The following PDGFC variants were observed in gnomAD, a reference collection of about 807,000 sequenced individuals.
PDGFC encodes the protein platelet derived growth factor C, also known as platelet-derived growth factor C.
A neutral mutation model predicts 35.5 loss-of-function variants in PDGFC; 12 were observed. That is an observed-to-expected ratio of 0.34 (90% confidence interval 0.22 to 0.55). The LOEUF is 0.55. Among genes scored for constraint, PDGFC ranks in the 20% least tolerant of loss-of-function variants. The probability of loss-of-function intolerance (pLI) is 0.91; values close to 1 mark genes in which losing one functional copy is unlikely to be tolerated. For missense variants in PDGFC, 322 were observed against 412.4 expected (o/e 0.78, Z 1.90); for synonymous variants, 159 against 148.8 (o/e 1.07, Z -0.50).
intron 2 of PDGFC, among the ~76,000 whole-genome samples, chr4:156,845,535 A>G (rs1034183844): frequency 4.0e-5 from 6 of 151,734 alleles, no homozygotes; most frequent in Non-Finnish European, 8.9e-5. Context: ...CCTTTGAACT[A>G]TTTTACAACT....
At chr4:156,874,397 C>T (rs1230297431) in intron 1 of PDGFC, among the ~76,000 whole-genome samples, 1 of 152,080 alleles carries the variant, frequency 6.6e-6, no homozygotes, top group African/African-American at 2.4e-5. Flanking sequence ...TTGAGCACTC[C>T]AACTTAAGCC....
At chr4:156,842,587 C>A (rs1032792450) in intron 2 of PDGFC, among the ~76,000 whole-genome samples, 1 of 152,040 alleles carries the variant, frequency 6.6e-6, no homozygotes, top group African/African-American at 2.4e-5. Context: ...GCAACAAAAC[C>A]ATTTCTTCTG....
At chr4:156,928,942 C>T (rs1731484054) in intron 1 of PDGFC, among the ~76,000 whole-genome samples, 1 of 152,012 alleles carries the variant, frequency 6.6e-6, no homozygotes, top group South Asian at 2.1e-4. Flanking sequence ...TACATGGGAG[C>T]TAAGCAAAAT....
At chr4:156,859,178 A>T (rs1166293763) in intron 1 of PDGFC, among the ~76,000 whole-genome samples, 2 of 152,212 alleles carry the variant, frequency 1.3e-5, no homozygotes, top group East Asian at 3.9e-4. Context: ...ATTTTAAAAA[A>T]TAAGAAAATA....
At position 156,761,577 on chromosome 4, in the gene PDGFC, A is replaced by G. The variant is rs1387795503; in HGVS notation, c.*1513T>C. ...AAAATTTTATCTTTCATTTTCTCAG[A>G]GTCCAAGAAATAAATCTTGAGCACA... On this transcript the variant is annotated 3_prime_UTR_variant, in exon 6 of 6. Transcript: ENST00000502773. 1 of 152,514 alleles carries G rather than the reference A, an allele frequency of 6.6e-6. No homozygotes were observed. Among genetic ancestry groups the G allele is most frequent in the Non-Finnish European group, 1.5e-5 (1 of 68,044 alleles). The allele number at this position is 152,514 out of a possible 1,614,324, so 9.4% of individuals were successfully genotyped here.
At chr4:156,875,768 A>T (rs932838381) in intron 1 of PDGFC, among the ~76,000 whole-genome samples, 8 of 152,106 alleles carry the variant, frequency 5.3e-5, no homozygotes, top group Non-Finnish European at 1.0e-4. Flanking sequence ...AAATACAAAA[A>T]TTAGTCAGGT....
At chr4:156,939,051 T>C (rs1373880103) in intron 1 of PDGFC, among the ~76,000 whole-genome samples, 1 of 151,988 alleles carries the variant, frequency 6.6e-6, no homozygotes, top group East Asian at 1.9e-4. Context: ...AATTTGTGAT[T>C]CAGTATTGTC....
At chr4:156,956,046 A>G (rs1456923897) in intron 1 of PDGFC, among the ~76,000 whole-genome samples, 1 of 152,034 alleles carries the variant, frequency 6.6e-6, no homozygotes, top group East Asian at 1.9e-4. Context: ...AGTGTAATAC[A>G]AACAACACTG....
chr4:156,763,754 T>A (rs2110782760), intron 5 of PDGFC, among the ~76,000 whole-genome samples: 1 of 152,332 alleles, frequency 6.6e-6, no homozygotes, highest in Admixed American at 6.5e-5. Context: ...ATGAGATGGA[T>A]TAGATGTACT....
In PDGFC at chr4:156,772,851, C is replaced by T. The variant is rs779015452; in HGVS notation, c.538G>A (p.Ala180Thr). ...TTATTAAGCAGGTCCAGTGGCAAAG[C>T]TGAAGGGGGTAGCACTGAAGGACTC... ...AVSPSVLPPS[A>T]LPLDLLNNAI... Residue 180 changes from alanine (A) to threonine (T), a missense_variant, in exon 4 of 6, where the codon GCT (alanine) becomes ACT (threonine). By Grantham distance (58) the Ala-to-Thr change is moderately conservative (BLOSUM62 0). Transcript: ENST00000502773. The T allele has an allele frequency of 1.4e-5, 22 of 1,613,406 alleles. No individual in the cohort carries two copies. The highest frequency in any genetic ancestry group is 1.2e-4 in the South Asian group (11 of 91,080).
At chr4:156,765,308 C>G (rs1034228154) in intron 5 of PDGFC, among the ~76,000 whole-genome samples, 9 of 152,024 alleles carry the variant, frequency 5.9e-5, no homozygotes, top group African/African-American at 1.9e-4. Flanking sequence ...AGAAAAGAAA[C>G]AGGGCTAATG....
intron 1 of PDGFC, among the ~76,000 whole-genome samples, chr4:156,964,415 T>TAA (rs924809770): frequency 4.0e-5 from 6 of 148,336 alleles, no homozygotes; most frequent in African/African-American, 9.8e-5. Flanking sequence ...GATATATATA[T>TAA]AACAGTATAT....
At chr4:156,796,659 C>T (rs1454279037) in intron 3 of PDGFC, among the ~76,000 whole-genome samples, 1 of 151,966 alleles carries the variant, frequency 6.6e-6, no homozygotes, top group East Asian at 1.9e-4. Context: ...TGAACCTCAG[C>T]CAAGCTGTAT....
At chr4:156,906,956 A>G (rs139561125) in intron 1 of PDGFC, among the ~76,000 whole-genome samples, 2,672 of 152,304 alleles carry the variant, frequency 0.018, 90 homozygotes, top group African/African-American at 0.061. Flanking sequence ...ATGAACTAAC[A>G]TGGATGCAGC....
intron 2 of PDGFC, among the ~76,000 whole-genome samples, chr4:156,846,423 C>T (rs1055833053): frequency 6.6e-6 from 1 of 151,532 alleles, no homozygotes; most frequent in Admixed American, 6.6e-5. Flanking sequence ...AAGAAATATT[C>T]AGATAAATTA....
intron 5 of PDGFC, among the ~76,000 whole-genome samples, chr4:156,763,741 TTGA>T (rs1730447028): frequency 6.6e-6 from 1 of 151,998 alleles, no homozygotes; most frequent in Non-Finnish European, 1.5e-5. Flanking sequence ...CTCTATAAAC[TTGA>T]TGAGATGGAT....
chr4:156,791,409 G>A (rs996620287), intron 3 of PDGFC, among the ~76,000 whole-genome samples: 2 of 151,858 alleles, frequency 1.3e-5, no homozygotes, highest in African/African-American at 4.8e-5. Flanking sequence ...TGATTATGTT[G>A]AGTCTGACAT....
At chr4:156,947,642 C>CA (rs1374787746) in intron 1 of PDGFC, among the ~76,000 whole-genome samples, 1 of 151,908 alleles carries the variant, frequency 6.6e-6, no homozygotes, top group Non-Finnish European at 1.5e-5. Flanking sequence ...GGTATAACAG[C>CA]AAAAAGAGGT....
intron 3 of PDGFC, among the ~76,000 whole-genome samples, chr4:156,777,305 T>C (rs1730855747): frequency 6.6e-6 from 1 of 152,160 alleles, no homozygotes; most frequent in Non-Finnish European, 1.5e-5. Flanking sequence ...TTTAAATGAA[T>C]ATAGACACAC....
Sources: gnomAD v4.1 joint callset for allele counts (sites outside exome capture counted in the v4.1 genomes callset) on GRCh38, gnomAD v4.1.1 for gene constraint, MANE v1.5 for transcripts, NCBI Gene and HGNC (gene_info 2026-07-23, HGNC 2026-07-21) for gene names.